Variants in GUCY2C observed in about 807,000 individuals in gnomAD.
GUCY2C encodes guanylyl cyclase C.
A neutral mutation model predicts 131.1 loss-of-function variants in GUCY2C; 118 were observed. The observed-to-expected ratio is 0.90, with a 90% CI of 0.78 to 1.05. The LOEUF (loss-of-function observed/expected upper bound fraction) is 1.05, where lower values mean the gene tolerates loss of function less well. Among genes scored for constraint, GUCY2C ranks in the 50% least tolerant of loss-of-function variants. GUCY2C has a pLI of 0.00. For missense variants in GUCY2C, 1,161 were observed against 1,304.4 expected (o/e 0.89, Z 1.69); for synonymous variants, 452 against 457.8 (o/e 0.99, Z 0.16).
intron 19 of GUCY2C, among the ~76,000 whole-genome samples, chr12:14,636,394 T>G (rs1446509234): frequency 6.6e-6 from 1 of 152,150 alleles, no homozygotes; most frequent in Non-Finnish European, 1.5e-5. Flanking sequence ...AAGCATTTGA[T>G]AATATTCAAC....
intron 10 of GUCY2C, among the ~76,000 whole-genome samples, chr12:14,667,282 G>GA (rs369165208): frequency 3.0e-4 from 45 of 152,312 alleles, no homozygotes; most frequent in African/African-American, 1.1e-3. Context: ...AAGCCCATGA[G>GA]AAAAGAGATA....
At position 14,626,320 on chromosome 12, in the gene GUCY2C, TAAAC is replaced by T. The variant is rs368738428; in HGVS notation, c.2250-409_2250-406del. Among the ~76,000 whole-genome samples the T allele has an allele frequency of 8.4e-3, 1,284 of 152,034 alleles. 10 individuals carry two copies. The highest frequency in any genetic ancestry group is 0.028 in the African/African-American group (1,173 of 41,458). On this transcript the variant is annotated intron_variant, in intron 20 of 26. Transcript: ENST00000261170. Reference sequence around the variant, plus strand: ...TGGGTGACAGAGTGAGACTCTGTCTTAAACAAACAAACAAACAAAAAGCCCAACT... The same window carrying T: ...TGGGTGACAGAGTGAGACTCTGTCTTAAACAAACAAACAAAAAGCCCAACT...
At position 14,625,916 on chromosome 12, in the gene GUCY2C, C is replaced by T; in HGVS notation, c.2250-1G>A. On this transcript the variant is annotated splice_acceptor_variant, in intron 20 of 26. Transcript: ENST00000261170. LOFTEE classifies it high-confidence loss of function. ...TTCATTTTTTTGGTCATGAAAAAGT[C>T]TGTAGGTAGTAATAGATAAAGAGCT... The T allele has an allele frequency of 3.1e-6, 5 of 1,593,080 alleles. No homozygotes were observed. Among genetic ancestry groups the T allele is most frequent in the Non-Finnish European group, 4.3e-6 (5 of 1,161,298 alleles).
chr12:14,692,070 C>T (rs1308296898), intron 1 of GUCY2C, among the ~76,000 whole-genome samples: 2 of 152,200 alleles, frequency 1.3e-5, no homozygotes, highest in Admixed American at 6.5e-5. Flanking sequence ...CTTTGATATG[C>T]TGTAGAACAG....
intron 23 of GUCY2C, 150 bp from the exon 24 acceptor site, chr12:14,619,459 G>T: frequency 1.8e-6 from 1 of 570,698 alleles, no homozygotes; most frequent in Non-Finnish European, 3.1e-6. Flanking sequence ...TGGGACTTTT[G>T]GTTTAAATGG....
Position 14,641,235 on chromosome 12 carries a change from T to C in GUCY2C, c.1931-16A>G, listed in dbSNP as rs1394753297. Reference sequence around the variant, plus strand: ...GTCCACAGGTCTGTAAATGTAGACATTGAGATTACAAAGTTGAGGGGGGTG... The same window carrying C: ...GTCCACAGGTCTGTAAATGTAGACACTGAGATTACAAAGTTGAGGGGGGTG... On this transcript the variant is annotated splice_polypyrimidine_tract_variant and intron_variant, in intron 17 of 26. Coordinates refer to ENST00000261170, the MANE Select transcript of GUCY2C (RefSeq NM_004963.4). The C allele has an allele frequency of 5.0e-6, 8 of 1,612,152 alleles. No homozygotes were observed. Among genetic ancestry groups the C allele is most frequent in the Admixed American group, 1.7e-5 (1 of 60,006 alleles).
chr12:14,685,801 G>C, intron 3 of GUCY2C, among the ~76,000 whole-genome samples: 1 of 152,090 alleles, frequency 6.6e-6, no homozygotes, highest in East Asian at 1.9e-4. Context: ...CTGGGGTGTT[G>C]CACTTTCTTT....
Position 14,613,030 on chromosome 12 carries a change from G to A in GUCY2C, c.*87C>T, listed in dbSNP as rs1216969246. The A allele has an allele frequency of 8.1e-6, 9 of 1,113,482 alleles. No individual in the cohort carries two copies. Among genetic ancestry groups the A allele is most frequent in the South Asian group, 2.8e-5 (2 of 72,686 alleles). 69.0% of individuals were successfully genotyped at this position (1,113,482 alleles called of 1,614,324 possible). A position where few individuals can be genotyped will look rare whatever the true frequency, so the allele number is the denominator to read the frequency against. On this transcript the variant is annotated 3_prime_UTR_variant, in exon 27 of 27. Coordinates refer to ENST00000261170, the MANE Select transcript of GUCY2C (RefSeq NM_004963.4). The surrounding 1 kb of genome is among the most constrained non-coding windows in gnomAD (Gnocchi z 4.9). ...CATTTCTGCTTCATTGAGGTCTCAG[G>A]AAAATGTAAGCTTTCAGGACACTTG...
Position 14,679,681 on chromosome 12 carries a change from A to C in GUCY2C, c.806T>G (p.Val269Gly). ...KGDRAVAEDI[V>G]IILVDLFNDQ... Reference sequence around the variant, plus strand: ...CTTGAAAAGATCCACTAGAATAATGACAATGTCTTCAGCCACTGCTCGGTC... The same window carrying C: ...CTTGAAAAGATCCACTAGAATAATGCCAATGTCTTCAGCCACTGCTCGGTC... The change falls in exon 6 of 27, where the codon GTC becomes GGC. Residue 269 changes from valine to glycine, a missense_variant. By Grantham distance (109) the Val-to-Gly change is moderately radical. Coordinates refer to ENST00000261170, the MANE Select transcript of GUCY2C (RefSeq NM_004963.4). 6.3e-7 allele frequency: 1 copy of C among 1,578,432 alleles called. No homozygotes were observed. Among genetic ancestry groups the C allele is most frequent in the Non-Finnish European group, 8.7e-7 (1 of 1,147,424 alleles).
At chr12:14,674,843 A>T in intron 7 of GUCY2C, 83 bp from the exon 8 acceptor site, 4 of 1,066,526 alleles carry the variant, frequency 3.8e-6, no homozygotes, top group Non-Finnish European at 5.5e-6. Flanking sequence ...TGTTGGGATC[A>T]GCAGGGTTAC....
intron 8 of GUCY2C, among the ~76,000 whole-genome samples, chr12:14,673,853 C>T (rs1948167225): frequency 6.6e-6 from 1 of 152,160 alleles, no homozygotes; most frequent in Non-Finnish European, 1.5e-5. Context: ...TCCCTCCCTG[C>T]ATCTTCAGTG....
At chr12:14,663,790 GT>G (rs1947916891) in intron 10 of GUCY2C, among the ~76,000 whole-genome samples, 1 of 151,964 alleles carries the variant, frequency 6.6e-6, no homozygotes, top group Non-Finnish European at 1.5e-5. Flanking sequence ...ACAAGACCTG[GT>G]AAAGTATCAA....
At chr12:14,643,361 G>A (rs536802538) in intron 17 of GUCY2C, among the ~76,000 whole-genome samples, 9 of 152,246 alleles carry the variant, frequency 5.9e-5, no homozygotes, top group Non-Finnish European at 1.0e-4. Context: ...AGCAAGGGAC[G>A]CATGGATGAA....
chr12:14,640,638 C>G (rs144176390), intron 18 of GUCY2C, among the ~76,000 whole-genome samples: 7 of 152,096 alleles, frequency 4.6e-5, no homozygotes, highest in African/African-American at 4.8e-5. Flanking sequence ...ACGGTTAGCA[C>G]GTAATAAATG....
chr12:14,647,238 A>G (rs902650582), intron 15 of GUCY2C, among the ~76,000 whole-genome samples: 7 of 152,102 alleles, frequency 4.6e-5, no homozygotes, highest in African/African-American at 1.7e-4. Flanking sequence ...CTGTCACTAC[A>G]CCGCCTTGAT....
intron 21 of GUCY2C, among the ~76,000 whole-genome samples, chr12:14,624,156 T>A (rs983810512): frequency 6.6e-5 from 10 of 152,068 alleles, no homozygotes; most frequent in African/African-American, 1.9e-4. Context: ...AGAAAAAACT[T>A]CTGGCCAGGC....
chr12:14,674,608 T>C lies in GUCY2C; in HGVS notation c.1084+17A>G. 1.9e-6 allele frequency: 3 copies of C among 1,612,480 alleles called. No homozygotes were observed. The highest frequency in any genetic ancestry group is 2.5e-6 in the Non-Finnish European group (3 of 1,178,782). On this transcript the variant is annotated intron_variant, in intron 8 of 26. Transcript: ENST00000261170. ...ATTTCTTCACCTTGGGGTTATTTGC[T>C]CTTAGTAGACCAGTACCTTCAAAAG...
At chr12:14,622,813 T>G (rs1031195463) in intron 21 of GUCY2C, among the ~76,000 whole-genome samples, 1 of 152,214 alleles carries the variant, frequency 6.6e-6, no homozygotes, top group African/African-American at 2.4e-5. Flanking sequence ...TAAATCATGC[T>G]AAAACTGTAG....
intron 16 of GUCY2C, among the ~76,000 whole-genome samples, chr12:14,644,831 T>A (rs1490418135): frequency 6.7e-6 from 1 of 149,318 alleles, no homozygotes; most frequent in Non-Finnish European, 1.5e-5. Context: ...AACCTCCATC[T>A]CGTGGGTTCA....
Sources: gnomAD v4.1 joint callset for allele counts (sites outside exome capture counted in the v4.1 genomes callset) on GRCh38, gnomAD v4.1.1 for gene constraint, Gnocchi (gnomAD v3.1) non-coding constraint, MANE v1.5 for transcripts, NCBI Gene and HGNC (gene_info 2026-07-23, HGNC 2026-07-21) for gene names.